The following HMGCLL1 variants were observed in gnomAD, a reference collection of about 807,000 sequenced individuals.
HMGCLL1 encodes the protein 3-hydroxy-3-methylglutaryl-CoA lyase like 1.
HMGCLL1 carries 36 observed loss-of-function variants against 39.1 expected under a neutral mutation model. The observed-to-expected ratio is 0.92, with a 90% CI of 0.71 to 1.22. HMGCLL1 has a LOEUF of 1.22. Among genes scored for constraint, HMGCLL1 ranks in the 50% most tolerant of loss-of-function variants. HMGCLL1 has a pLI of 0.00. For missense variants in HMGCLL1, 451 were observed against 416.5 expected (o/e 1.08, Z -0.72); for synonymous variants, 149 against 144.0 (o/e 1.03, Z -0.25).
At chr6:55,614,822 G>A in the HMGCLL1 span, among the ~76,000 whole-genome samples, 1 of 152,010 alleles carries the variant, frequency 6.6e-6, no homozygotes, top group South Asian at 2.1e-4. Context: ...CTAAGCAACA[G>A]CAACAATATT....
At chr6:55,553,384 A>C (rs1002473889) in intron 1 of HMGCLL1, among the ~76,000 whole-genome samples, 1 of 151,406 alleles carries the variant, frequency 6.6e-6, no homozygotes, top group Non-Finnish European at 1.5e-5. Context: ...GTTGTGGTGA[A>C]TCGAAATCAG....
At chr6:55,652,233 T>C in the HMGCLL1 span, among the ~76,000 whole-genome samples, 1 of 152,090 alleles carries the variant, frequency 6.6e-6, no homozygotes, top group Non-Finnish European at 1.5e-5. Flanking sequence ...TCTAACAAGA[T>C]ATTCATTTTT....
the HMGCLL1 span, among the ~76,000 whole-genome samples, chr6:55,618,476 T>C: frequency 6.6e-6 from 1 of 152,008 alleles, no homozygotes; most frequent in African/African-American, 2.4e-5. Flanking sequence ...ATAATAAACA[T>C]GTCAGAGAGA....
At chr6:55,507,580 C>A (rs924424876) in intron 5 of HMGCLL1, among the ~76,000 whole-genome samples, 1 of 151,708 alleles carries the variant, frequency 6.6e-6, no homozygotes, top group African/African-American at 2.4e-5. Context: ...TGATTATGTA[C>A]AAAATATTAT....
the HMGCLL1 span, among the ~76,000 whole-genome samples, chr6:55,592,076 A>T: frequency 1.3e-5 from 2 of 151,984 alleles, no homozygotes; most frequent in Non-Finnish European, 2.9e-5. Context: ...GCTTGAAATT[A>T]CCCCAAAAAT....
At chr6:55,592,581 C>T in the HMGCLL1 span, among the ~76,000 whole-genome samples, 1 of 151,976 alleles carries the variant, frequency 6.6e-6, no homozygotes, top group African/African-American at 2.4e-5. Context: ...GAATTCCTGG[C>T]TTTTACTCAC....
intron 1 of HMGCLL1, among the ~76,000 whole-genome samples, chr6:55,548,378 A>C (rs1202737725): frequency 6.6e-6 from 1 of 152,048 alleles, no homozygotes; most frequent in Non-Finnish European, 1.5e-5. Flanking sequence ...CATACAGCAT[A>C]AATAAATACA....
chr6:55,567,290 A>T (rs992671666), intron 1 of HMGCLL1, among the ~76,000 whole-genome samples: 3 of 152,140 alleles, frequency 2.0e-5, no homozygotes, highest in Non-Finnish European at 4.4e-5. Context: ...AAAAAAATGT[A>T]TAAAACAATT....
intron 3 of HMGCLL1, among the ~76,000 whole-genome samples, chr6:55,530,944 T>A (rs1202203962): frequency 1.3e-5 from 2 of 152,190 alleles, no homozygotes; most frequent in African/African-American, 4.8e-5. Flanking sequence ...TATTTAAAAA[T>A]AACTGCTATG....
At chr6:55,638,253 A>G in the HMGCLL1 span, among the ~76,000 whole-genome samples, 2 of 151,862 alleles carry the variant, frequency 1.3e-5, no homozygotes, top group Admixed American at 6.6e-5. Flanking sequence ...TAAAAATACA[A>G]AAAATTAGCT....
chr6:55,674,662 G>A, the HMGCLL1 span, among the ~76,000 whole-genome samples: 3,791 of 151,878 alleles, frequency 0.025, 69 homozygotes, highest in Non-Finnish European at 0.039. Context: ...CTCTACAAAT[G>A]AGGGACAATG....
At chr6:55,557,843 G>T (rs1271905231) in intron 1 of HMGCLL1, among the ~76,000 whole-genome samples, 1 of 152,126 alleles carries the variant, frequency 6.6e-6, no homozygotes, top group Non-Finnish European at 1.5e-5. Context: ...GCTGGTGCCC[G>T]TACTGTACTT....
chr6:55,599,384 G>T, the HMGCLL1 span, among the ~76,000 whole-genome samples: 1 of 152,078 alleles, frequency 6.6e-6, no homozygotes, highest in Non-Finnish European at 1.5e-5. Context: ...AGCTATATCT[G>T]CAACTAGTAC....
At chr6:55,552,898 T>C (rs931405798) in intron 1 of HMGCLL1, among the ~76,000 whole-genome samples, 11 of 151,850 alleles carry the variant, frequency 7.2e-5, no homozygotes, top group Non-Finnish European at 1.5e-4. Context: ...TCCCAGCAAT[T>C]TGGGAGGCCA....
At chr6:55,616,993 AAAT>A in the HMGCLL1 span, among the ~76,000 whole-genome samples, 1 of 152,084 alleles carries the variant, frequency 6.6e-6, no homozygotes. Flanking sequence ...TGCCAGATAA[AAAT>A]AATAAGACAA....
chr6:55,450,526 A>T (rs919943055), intron 7 of HMGCLL1, among the ~76,000 whole-genome samples: 98 of 152,376 alleles, frequency 6.4e-4, no homozygotes, highest in African/African-American at 2.2e-3. Context: ...TGTGCTTATC[A>T]CATAGGTTGG....
chr6:55,447,486 T>TCA (rs1363678168), intron 7 of HMGCLL1, among the ~76,000 whole-genome samples: 1 of 152,032 alleles, frequency 6.6e-6, no homozygotes, highest in Non-Finnish European at 1.5e-5. Context: ...CCTAAATGCT[T>TCA]CACTCCTCCT....
intron 5 of HMGCLL1, chr6:55,513,300 A>G (rs1379126968): frequency 1.3e-5 from 2 of 152,132 alleles, no homozygotes; most frequent in Non-Finnish European, 2.9e-5. Context: ...TTTATTTTCC[A>G]TGTCCTGTAA....
chr6:55,640,228 G>T, the HMGCLL1 span, among the ~76,000 whole-genome samples: 1 of 152,098 alleles, frequency 6.6e-6, no homozygotes, highest in East Asian at 1.9e-4. Context: ...AGATGTTCAT[G>T]CAATACTCCA....
Sources: allele counts gnomAD v4.1 joint callset (sites outside exome capture counted in the v4.1 genomes callset), GRCh38; gene constraint gnomAD v4.1.1; transcripts MANE v1.5; gene names NCBI Gene and HGNC (gene_info 2026-07-23, HGNC 2026-07-21).